Variants in CELF2 observed in about 807,000 individuals in gnomAD.
CELF2 encodes CUG triplet repeat RNA-binding protein 2.
Under a neutral mutation model 62.6 loss-of-function variants are expected in CELF2, and 8 were observed. The observed-to-expected ratio is 0.13, with a 90% CI of 0.07 to 0.23. The LOEUF is 0.23. Ranked by LOEUF, CELF2 falls within the 10% of genes least tolerant of loss-of-function variation. CELF2 has a pLI of 1.00. For missense variants in CELF2, 333 were observed against 671.0 expected (o/e 0.50, Z 5.56); for synonymous variants, 258 against 250.0 (o/e 1.03, Z -0.30).
At chr10:10,760,527 C>G in the CELF2 span, among the ~76,000 whole-genome samples, 1 of 152,254 alleles carries the variant, frequency 6.6e-6, no homozygotes, top group South Asian at 2.1e-4. Flanking sequence ...AGTTTACCAT[C>G]TTGTGTGGGA....
At chr10:10,985,812 G>A (rs979263618) in intron 2 of CELF2, among the ~76,000 whole-genome samples, 1 of 152,156 alleles carries the variant, frequency 6.6e-6, no homozygotes, top group Admixed American at 6.5e-5. Flanking sequence ...ACAAAGCTGG[G>A]TCTGCACGTG....
chr10:11,031,296 G>A (rs1324937023), intron 1 of CELF2, among the ~76,000 whole-genome samples: 2 of 152,118 alleles, frequency 1.3e-5, no homozygotes, highest in Non-Finnish European at 2.9e-5. Context: ...CTCTATGCAG[G>A]ATATCAGTGG....
intron 1 of CELF2, among the ~76,000 whole-genome samples, chr10:11,099,043 G>A (rs547717498): frequency 6.6e-6 from 1 of 152,324 alleles, no homozygotes; most frequent in African/African-American, 2.4e-5. Context: ...TAGGACCGTC[G>A]TCCTGGGGGC....
At chr10:10,535,393 G>C in the CELF2 span, among the ~76,000 whole-genome samples, 3 of 152,166 alleles carry the variant, frequency 2.0e-5, no homozygotes, top group African/African-American at 7.2e-5. Context: ...CCCACCACTT[G>C]GGTGAGCAGG....
At position 11,199,888 on chromosome 10, in the gene CELF2, A is replaced by G. The variant is rs562209922; in HGVS notation, c.272-17537A>G. On this transcript the variant is annotated intron_variant, in intron 2 of 12. Coordinates refer to ENST00000633077, the MANE Select transcript of CELF2 (RefSeq NM_001326342.2). ...CTAGAGGTAACCTGGAAGTGTCCTAATTGGATGGCCTGAATTTCTCACCCG... is the reference window on the plus strand; with the variant it reads ...CTAGAGGTAACCTGGAAGTGTCCTAGTTGGATGGCCTGAATTTCTCACCCG... Among the ~76,000 whole-genome samples, 6 of 152,302 alleles carry G rather than the reference A, an allele frequency of 3.9e-5. No individual in the cohort carries two copies. In the South Asian group the frequency reaches 1.2e-3, roughly 32 times the overall value.
the CELF2 span, among the ~76,000 whole-genome samples, chr10:10,513,493 C>T: frequency 6.6e-6 from 1 of 152,270 alleles, no homozygotes; most frequent in South Asian, 2.1e-4. Context: ...TATAATCCTC[C>T]TCCTTCATCC....
chr10:10,722,816 G>A, the CELF2 span, among the ~76,000 whole-genome samples: 1 of 152,114 alleles, frequency 6.6e-6, no homozygotes, highest in African/African-American at 2.4e-5. Flanking sequence ...GCTGACTGTA[G>A]CATTTCTTTT....
At chr10:10,959,432 T>A (rs189732382) in intron 2 of CELF2, among the ~76,000 whole-genome samples, 1 of 152,352 alleles carries the variant, frequency 6.6e-6, no homozygotes, top group East Asian at 1.9e-4. Flanking sequence ...GACAGACTGA[T>A]CATCTTCCAC....
At chr10:10,704,374 A>T in the CELF2 span, among the ~76,000 whole-genome samples, 196 of 152,274 alleles carry the variant, frequency 1.3e-3, no homozygotes, top group African/African-American at 4.6e-3. Flanking sequence ...GCTCTCTGTC[A>T]TTAGTCTGAA....
chr10:10,808,857 C>A (rs142378564), intron 1 of CELF2, among the ~76,000 whole-genome samples: 1 of 152,158 alleles, frequency 6.6e-6, no homozygotes, highest in Non-Finnish European at 1.5e-5. Flanking sequence ...AAGAAACATT[C>A]TTATTTTCAG....
intron 1 of CELF2, among the ~76,000 whole-genome samples, chr10:10,875,059 G>A (rs1221903715): frequency 5.3e-5 from 8 of 152,188 alleles, no homozygotes; most frequent in Non-Finnish European, 7.4e-5. Context: ...GGAAGAAACT[G>A]TCTAGCTTAT....
At chr10:10,796,663 C>T (rs145184151), upstream of CELF2, among the ~76,000 whole-genome samples, 332 of 152,326 alleles carry the variant, frequency 2.2e-3, 2 homozygotes, top group Non-Finnish European at 3.3e-3. Flanking sequence ...TCTTTTGCTA[C>T]TCTCTTGCTA....
At chr10:11,086,505 C>T (rs181856974) in intron 1 of CELF2, among the ~76,000 whole-genome samples, 1 of 142,458 alleles carries the variant, frequency 7.0e-6, no homozygotes, top group East Asian at 2.4e-4. Context: ...GCTGAGCAGT[C>T]CAAAATATTT....
At chr10:10,535,412 C>G in the CELF2 span, among the ~76,000 whole-genome samples, 2 of 152,172 alleles carry the variant, frequency 1.3e-5, no homozygotes, top group African/African-American at 4.8e-5. Flanking sequence ...GGAACCGTAC[C>G]TTGTCCCTTC....
At chr10:10,651,385 T>C in the CELF2 span, among the ~76,000 whole-genome samples, 3 of 147,318 alleles carry the variant, frequency 2.0e-5, no homozygotes, top group Admixed American at 2.0e-4. Flanking sequence ...CAAGGAGGCC[T>C]GCCTGCCTCT....
intron 1 of CELF2, among the ~76,000 whole-genome samples, chr10:11,076,040 ATT>A (rs1390115199): frequency 6.6e-6 from 1 of 152,056 alleles, no homozygotes; most frequent in Non-Finnish European, 1.5e-5. Flanking sequence ...CTCTTGAATT[ATT>A]CAGAAGGAAA....
At chr10:11,273,968 A>ACCCCCCCCCCCCCCC (rs10612614) in intron 7 of CELF2, among the ~76,000 whole-genome samples, 73 of 96,442 alleles carry the variant, frequency 7.6e-4, no homozygotes, top group East Asian at 8.9e-4. Flanking sequence ...AGTGATCCCC[A>ACCCCCCCCCCCCCCC]CCCCCCCCCC....
chr10:11,062,512 C>T (rs1263812317), intron 1 of CELF2, among the ~76,000 whole-genome samples: 1 of 152,080 alleles, frequency 6.6e-6, no homozygotes, highest in Non-Finnish European at 1.5e-5. Context: ...TTTCAGTCCT[C>T]ATGGATAACT....
chr10:10,839,788 G>T (rs568056366), intron 1 of CELF2, among the ~76,000 whole-genome samples: 16 of 152,286 alleles, frequency 1.1e-4, no homozygotes, highest in Admixed American at 3.9e-4. Flanking sequence ...TTTGAACGAC[G>T]AATGCAGTGG....
Sources: gnomAD v4.1 joint callset for allele counts (sites outside exome capture counted in the v4.1 genomes callset) on GRCh38, gnomAD v4.1.1 for gene constraint, MANE v1.5 for transcripts, NCBI Gene and HGNC (gene_info 2026-07-23, HGNC 2026-07-21) for gene names.